The following FBXW8 variants were observed in gnomAD, a reference collection of about 807,000 sequenced individuals.
FBXW8 encodes F-box/WD repeat-containing protein 8.
Under a neutral mutation model 65.3 loss-of-function variants are expected in FBXW8, and 57 were observed. That is an observed-to-expected ratio of 0.87 (90% CI 0.71 to 1.09). The LOEUF is 1.09. Ranked by LOEUF, FBXW8 falls within the 50% of genes least tolerant of loss-of-function variation. The pLI, the probability that FBXW8 is intolerant of heterozygous loss-of-function variation, is 0.00. For synonymous variants in FBXW8, 308 were observed against 330.2 expected, an observed-to-expected ratio of 0.93 and a Z score of 0.73; for missense variants, 777 against 814.8, an observed-to-expected ratio of 0.95 and a Z score of 0.57.
intron 6 of FBXW8, chr12:116,987,326 CCTT>C (rs1885771351): frequency 6.6e-6 from 1 of 152,314 alleles, no homozygotes; most frequent in Non-Finnish European, 1.5e-5. Flanking sequence ...GTGTGGCTCA[CCTT>C]CTATGTGTCC....
chr12:117,026,127 C>T (rs77627457), intron 9 of FBXW8, among the ~76,000 whole-genome samples: 2,016 of 152,350 alleles, frequency 0.013, 45 homozygotes, highest in East Asian at 0.09. Flanking sequence ...ATGTACCTCC[C>T]GCTGTCCGCT....
intron 3 of FBXW8, chr12:116,949,410 C>A: frequency 1.7e-6 from 1 of 579,402 alleles, no homozygotes; most frequent in Middle Eastern, 4.7e-4. Flanking sequence ...GAGTTCAGTG[C>A]CTTTGGGATA....
chr12:116,976,335 TC>T (rs1300867720), intron 5 of FBXW8, among the ~76,000 whole-genome samples: 186 of 151,582 alleles, frequency 1.2e-3, no homozygotes, highest in Middle Eastern at 6.8e-3. Flanking sequence ...CTTTTTTGTA[TC>T]TTGCTATTTG....
At chr12:116,921,495 T>C (rs1009378160) in intron 1 of FBXW8, among the ~76,000 whole-genome samples, 1 of 152,208 alleles carries the variant, frequency 6.6e-6, no homozygotes, top group Non-Finnish European at 1.5e-5. Context: ...ACGATCTATA[T>C]TGCCTGTTGT....
chr12:116,940,501 T>TC (rs1882488603), intron 2 of FBXW8, among the ~76,000 whole-genome samples: 1 of 149,142 alleles, frequency 6.7e-6, no homozygotes, highest in South Asian at 2.1e-4. Context: ...GGCTTTTTTT[T>TC]TTTTTCCTTC....
chr12:117,024,488 G>GAGGAGGAAACAGGCTTGGAA, intron 9 of FBXW8, among the ~76,000 whole-genome samples, 168 bp downstream of exon 9: 2 of 152,222 alleles, frequency 1.3e-5, no homozygotes, highest in African/African-American at 4.8e-5. Context: ...CCGCTCTGCA[G>GAGGAGGAAACAGGCTTGGAA]AGGAGGAAAC....
chr12:116,947,718 G>A (rs572665230), intron 3 of FBXW8, among the ~76,000 whole-genome samples: 1 of 136,146 alleles, frequency 7.3e-6, no homozygotes, highest in Non-Finnish European at 1.5e-5. Context: ...CAGCCTGGGC[G>A]ACAGAGCGAG....
intron 5 of FBXW8, among the ~76,000 whole-genome samples, chr12:116,981,707 AG>A (rs1250742504): frequency 2.6e-5 from 4 of 151,842 alleles, no homozygotes; most frequent in African/African-American, 9.7e-5. Context: ...TCCGCCTCCC[AG>A]GTTCAAGCAA....
chr12:117,014,876 C>T (rs1252846107), intron 8 of FBXW8, among the ~76,000 whole-genome samples: 1 of 152,146 alleles, frequency 6.6e-6, no homozygotes, highest in African/African-American at 2.4e-5. Flanking sequence ...TCTTGAGATT[C>T]CTCCTCTCTC....
At chr12:116,992,761 G>GGTGTGT (rs59119067) in intron 7 of FBXW8, among the ~76,000 whole-genome samples, 56,929 of 143,340 alleles carry the variant, frequency 0.4, 11,404 homozygotes, top group Admixed American at 0.47. Flanking sequence ...ATTATTCCAT[G>GGTGTGT]GTGTGTGTGT....
At chr12:117,016,578 G>A (rs1004870317) in intron 8 of FBXW8, among the ~76,000 whole-genome samples, 26 of 150,364 alleles carry the variant, frequency 1.7e-4, no homozygotes, top group African/African-American at 5.9e-4. Flanking sequence ...TTGTCTTTTC[G>A]CTTTCTACAT....
At chr12:117,014,667 C>G (rs1273980760) in intron 8 of FBXW8, among the ~76,000 whole-genome samples, 2 of 152,220 alleles carry the variant, frequency 1.3e-5, no homozygotes, top group African/African-American at 2.4e-5. Flanking sequence ...TGGGTGGTGA[C>G]TCCAATGTCA....
intron 7 of FBXW8, among the ~76,000 whole-genome samples, chr12:116,999,867 T>C (rs1026886398): frequency 6.6e-6 from 1 of 152,234 alleles, no homozygotes; most frequent in East Asian, 1.9e-4. Context: ...TGTCTTGCCA[T>C]GTCCTTTTGA....
At chr12:116,931,862 C>A (rs1881795142) in intron 2 of FBXW8, among the ~76,000 whole-genome samples, 1 of 151,870 alleles carries the variant, frequency 6.6e-6, no homozygotes, top group Non-Finnish European at 1.5e-5. Flanking sequence ...TGCCTAATTG[C>A]TGTGACTAAG....
In FBXW8 at chr12:116,946,814, G is replaced by A. The variant is rs1449704517; in HGVS notation, c.588+1286G>A. 2.0e-5 allele frequency among the ~76,000 whole-genome samples: 3 copies of A among 152,076 alleles called. No homozygotes were observed. The East Asian group carries it at 5.8e-4, about 29-fold the overall frequency. Reference sequence around the variant, plus strand: ...CAGGCAGAAAGGTATGACAAAGAAAGCTGCCCAGATAAACAAGGGGTCAGA... The same window carrying A: ...CAGGCAGAAAGGTATGACAAAGAAAACTGCCCAGATAAACAAGGGGTCAGA... On this transcript the variant is annotated intron_variant, in intron 3 of 10. Transcript: ENST00000652555.
chr12:117,010,540 A>C, intron 8 of FBXW8, 90 bp downstream of exon 8: 74 of 1,563,956 alleles, frequency 4.7e-5, no homozygotes, highest in Middle Eastern at 2.0e-4. Context: ...CCCGGTTCTC[A>C]CTCAACAGCT....
intron 2 of FBXW8, among the ~76,000 whole-genome samples, chr12:116,938,153 C>T (rs534183900): frequency 6.6e-6 from 1 of 151,636 alleles, no homozygotes; most frequent in South Asian, 2.1e-4. Flanking sequence ...ATTTTTTTTC[C>T]TTCAGAATTA....
At chr12:116,945,990 C>G (rs907162743) in intron 3 of FBXW8, among the ~76,000 whole-genome samples, 41 of 152,214 alleles carry the variant, frequency 2.7e-4, no homozygotes, top group African/African-American at 8.9e-4. Flanking sequence ...TATTGGCGTG[C>G]TTCCATAACA....
intron 2 of FBXW8, among the ~76,000 whole-genome samples, chr12:116,929,258 A>T (rs752287359): frequency 2.7e-5 from 4 of 150,216 alleles, no homozygotes; most frequent in Non-Finnish European, 5.9e-5. Flanking sequence ...TTTTTGAGAC[A>T]GAGTCTTGCT....
Sources: gnomAD v4.1 joint callset for allele counts (sites outside exome capture counted in the v4.1 genomes callset) on GRCh38, gnomAD v4.1.1 for gene constraint, MANE v1.5 for transcripts, NCBI Gene and HGNC (gene_info 2026-07-23, HGNC 2026-07-21) for gene names.